The following RIMS2 variants were observed in gnomAD, a reference collection of about 807,000 sequenced individuals.
RIMS2 encodes the protein regulating synaptic membrane exocytosis protein 2.
In RIMS2, 59 loss-of-function variants were observed where a neutral mutation model predicts 174.4. The ratio of observed to expected loss-of-function variants is 0.34; its 90% CI spans 0.27 to 0.42. The LOEUF (loss-of-function observed/expected upper bound fraction) is 0.42. RIMS2 is among the 10% of genes least tolerant of loss of function. RIMS2 has a pLI of 1.00. For missense variants in RIMS2, 1,620 were observed against 1,666.3 expected, an observed-to-expected ratio of 0.97 and a Z score of 0.48; for synonymous variants, 606 against 572.5, an observed-to-expected ratio of 1.06 and a Z score of -0.84.
At chr8:103,836,877 T>C (rs1237265339) in intron 3 of RIMS2, among the ~76,000 whole-genome samples, 1 of 152,194 alleles carries the variant, frequency 6.6e-6, no homozygotes, top group African/African-American at 2.4e-5. Flanking sequence ...AGTGTTGGCA[T>C]TGCAACAAAT....
intron 1 of RIMS2, chr8:103,568,933 G>A: frequency 1.2e-6 from 1 of 828,390 alleles, no homozygotes; most frequent in Admixed American, 1.8e-5. Context: ...TTGCAAAACT[G>A]ATCTGAAAGC....
chr8:103,645,668 C>T (rs1269507614), intron 1 of RIMS2, among the ~76,000 whole-genome samples: 2 of 151,932 alleles, frequency 1.3e-5, no homozygotes, highest in African/African-American at 2.4e-5. Context: ...CTTTATTATC[C>T]TTGTGCATGA....
At chr8:103,757,446 C>A (rs570298672) in intron 2 of RIMS2, among the ~76,000 whole-genome samples, 1 of 152,026 alleles carries the variant, frequency 6.6e-6, no homozygotes, top group East Asian at 1.9e-4. Flanking sequence ...CGTCTTTATT[C>A]ATTTCTTTCT....
At chr8:103,963,602 C>T (rs186949324) in intron 15 of RIMS2, among the ~76,000 whole-genome samples, 43 of 152,182 alleles carry the variant, frequency 2.8e-4, no homozygotes, top group Non-Finnish European at 1.5e-4. Flanking sequence ...ACAGATTTCC[C>T]ATATGTCTTC....
At chr8:103,914,587 T>C (rs16870822) in intron 6 of RIMS2, among the ~76,000 whole-genome samples, 41,265 of 152,058 alleles carry the variant, frequency 0.27, 5,983 homozygotes, top group African/African-American at 0.32. Context: ...TTTTCAGAAT[T>C]AAACATAGGA....
chr8:103,646,264 G>T (rs772784388), intron 1 of RIMS2, among the ~76,000 whole-genome samples: 6 of 152,116 alleles, frequency 3.9e-5, no homozygotes, highest in Admixed American at 2.0e-4. Flanking sequence ...AGAGGCCTGA[G>T]AATTAATCCC....
chr8:104,104,563 A>G (rs2097994048), intron 19 of RIMS2, among the ~76,000 whole-genome samples: 1 of 152,206 alleles, frequency 6.6e-6, no homozygotes, highest in Non-Finnish European at 1.5e-5. Context: ...TTGGAAAATT[A>G]TATGATATAG....
chr8:103,550,421 A>G lies in RIMS2; in HGVS notation c.176+49359A>G, dbSNP rs559373380. ...TCTTGAAACCAGTGAGAACAAAGACACAACATAACCAGACTCTGGGACACA... is the reference window on the plus strand; with the variant it reads ...TCTTGAAACCAGTGAGAACAAAGACGCAACATAACCAGACTCTGGGACACA... On this transcript the variant is annotated intron_variant, in intron 1 of 23. Coordinates refer to ENST00000504942, the Ensembl canonical transcript of RIMS2. Among the ~76,000 whole-genome samples, 5 of 152,306 alleles carry G rather than the reference A, an allele frequency of 3.3e-5. No homozygotes were observed. The South Asian group carries it at 1.0e-3, about 32-fold the overall frequency.
rs113578838 is a variant in RIMS2 at position 104,049,414 on chromosome 8, A to T, written c.3334+34799A>T. ...CACTCCAGCCTGGGCGACAGAGCGG[A>T]GACTCCATCTCAAAAAACAAAAAAC... On this transcript the variant is annotated intron_variant, in intron 19 of 23. Coordinates refer to ENST00000504942, the Ensembl canonical transcript of RIMS2. Among the ~76,000 whole-genome samples, 9 of 152,248 alleles carry T rather than the reference A, an allele frequency of 5.9e-5. 2 individuals carry two copies. The highest frequency in any genetic ancestry group is 2.2e-4 in the African/African-American group (9 of 41,546).
At chr8:103,972,535 A>G (rs1455744067) in intron 15 of RIMS2, among the ~76,000 whole-genome samples, 1 of 152,194 alleles carries the variant, frequency 6.6e-6, no homozygotes, top group Non-Finnish European at 1.5e-5. Context: ...AATGTTTGCA[A>G]TAATTTACAA....
intron 2 of RIMS2, among the ~76,000 whole-genome samples, chr8:103,729,454 G>A (rs916972401): frequency 6.6e-6 from 1 of 151,024 alleles, no homozygotes; most frequent in Admixed American, 6.6e-5. Flanking sequence ...ATTTATTTGG[G>A]GTTTCCCTCT....
chr8:103,796,087 A>G (rs558358671), intron 3 of RIMS2, among the ~76,000 whole-genome samples: 1 of 152,080 alleles, frequency 6.6e-6, no homozygotes, highest in South Asian at 2.1e-4. Context: ...GATTAATTTC[A>G]TCCCCTTCCC....
chr8:103,804,778 A>C (rs1360886283), intron 3 of RIMS2, among the ~76,000 whole-genome samples: 1 of 151,962 alleles, frequency 6.6e-6, no homozygotes, highest in African/African-American at 2.4e-5. Context: ...GTAGTTTTTC[A>C]CTTATAAGGA....
chr8:103,590,134 A>G (rs1337736171), intron 1 of RIMS2, among the ~76,000 whole-genome samples: 2 of 151,514 alleles, frequency 1.3e-5, no homozygotes, highest in East Asian at 1.9e-4. Flanking sequence ...TGGATACCAC[A>G]TTCTTCAGGA....
At chr8:103,885,426 G>A (rs1237395536) in exon 4 of RIMS2, 1 of 1,612,180 alleles carries the variant, frequency 6.2e-7, no homozygotes, top group African/African-American at 1.3e-5. Context: ...TATGCTGATA[G>A]GCGATCTCAA....
At chr8:103,859,419 A>G (rs1469355564) in intron 3 of RIMS2, among the ~76,000 whole-genome samples, 1 of 152,120 alleles carries the variant, frequency 6.6e-6, no homozygotes, top group African/African-American at 2.4e-5. Flanking sequence ...AAATGAAGGA[A>G]ATCTCCAACA....
chr8:104,191,632 T>G (rs1391750822), intron 19 of RIMS2, among the ~76,000 whole-genome samples: 2 of 152,218 alleles, frequency 1.3e-5, no homozygotes, highest in Admixed American at 1.3e-4. Flanking sequence ...CAAATTAGTT[T>G]GTATTAACCA....
chr8:104,093,728 C>G, intron 19 of RIMS2, 85 bp downstream of exon 24: 2 of 1,045,304 alleles, frequency 1.9e-6, no homozygotes, highest in Non-Finnish European at 1.4e-6. Context: ...TTATTTATTT[C>G]TAACAGGTTA....
chr8:104,062,507 TATCTC>T (rs1248270752), intron 19 of RIMS2, among the ~76,000 whole-genome samples: 2 of 152,238 alleles, frequency 1.3e-5, no homozygotes, highest in Admixed American at 6.5e-5. Context: ...TACACATTCT[TATCTC>T]ATGAGACATA....
Sources: allele counts gnomAD v4.1 joint callset (sites outside exome capture counted in the v4.1 genomes callset), GRCh38; gene constraint gnomAD v4.1.1; transcripts MANE v1.5; gene names NCBI Gene and HGNC (gene_info 2026-07-23, HGNC 2026-07-21).